The following CNTN1 variants were observed in gnomAD, a reference collection of about 807,000 sequenced individuals.
CNTN1 encodes contactin 1.
A neutral mutation model predicts 126.4 loss-of-function variants in CNTN1; 38 were observed. The ratio of observed to expected loss-of-function variants is 0.30; its 90% CI spans 0.23 to 0.39. The LOEUF is 0.39. Among genes scored for constraint, CNTN1 ranks in the 10% least tolerant of loss-of-function variants. CNTN1 has a pLI of 1.00. For missense variants in CNTN1, 1,009 were observed against 1,248.4 expected, an observed-to-expected ratio of 0.81 and a Z score of 2.89; for synonymous variants, 413 against 422.6, an observed-to-expected ratio of 0.98 and a Z score of 0.28.
intron 1 of CNTN1, among the ~76,000 whole-genome samples, chr12:40,813,175 T>C (rs1941147169): frequency 6.6e-6 from 1 of 150,954 alleles, no homozygotes; most frequent in Non-Finnish European, 1.5e-5. Context: ...TTTTCATTTT[T>C]TGCTGTCTCC....
Position 41,016,869 on chromosome 12 carries a change from G to A in CNTN1, c.2372G>A (p.Gly791Glu). 2 of 1,614,132 alleles carry A rather than the reference G, an allele frequency of 1.2e-6. No individual in the cohort carries two copies. The highest frequency in any genetic ancestry group is 1.7e-6 in the Non-Finnish European group (2 of 1,180,022). Residue 791 changes from glycine (G) to glutamate (E), a missense_variant, in exon 19 of 24, where the codon GGA becomes GAA. Gly to Glu is a moderately conservative substitution (Grantham distance 98, BLOSUM62 -2). Coordinates refer to ENST00000551295, the MANE Select transcript of CNTN1 (RefSeq NM_001843.4). ...AAAGTCAAGGCCTTCAACAACAAAGGAGATGGACCTTACAGCCTAGTAGCA... is the reference window on the plus strand; with the variant it reads ...AAAGTCAAGGCCTTCAACAACAAAGAAGATGGACCTTACAGCCTAGTAGCA... ...QVKVKAFNNKGDGPYSLVAVI... is the reference protein window; with the variant it reads ...QVKVKAFNNKEDGPYSLVAVI...
intron 1 of CNTN1, among the ~76,000 whole-genome samples, chr12:40,728,426 G>A (rs1298234770): frequency 6.6e-6 from 1 of 152,098 alleles, no homozygotes; most frequent in East Asian, 1.9e-4. Context: ...CCTAAAAAAA[G>A]GCAACTAGTA....
intron 13 of CNTN1, 29 bp downstream of exon 13, chr12:40,943,753 T>G: frequency 1.2e-6 from 2 of 1,610,132 alleles, no homozygotes; most frequent in Non-Finnish European, 1.7e-6. Flanking sequence ...GTGCTTAATT[T>G]CTAATGTATT....
intron 1 of CNTN1, among the ~76,000 whole-genome samples, chr12:40,812,610 A>G (rs1941107274): frequency 6.6e-6 from 1 of 152,118 alleles, no homozygotes; most frequent in Non-Finnish European, 1.5e-5. Context: ...TATATTTACA[A>G]TGGTTATATC....
intron 1 of CNTN1, among the ~76,000 whole-genome samples, chr12:40,843,320 C>T (rs551008638): frequency 3.9e-5 from 6 of 152,178 alleles, no homozygotes; most frequent in African/African-American, 1.4e-4. Flanking sequence ...AGGTTGAAAA[C>T]TTGAACAGAT....
intron 1 of CNTN1, among the ~76,000 whole-genome samples, chr12:40,790,312 TG>T (rs1940171578): frequency 6.6e-6 from 1 of 152,048 alleles, no homozygotes; most frequent in Non-Finnish European, 1.5e-5. Context: ...CTTCCAGCGG[TG>T]GGCAGTGTTA....
intron 23 of CNTN1, among the ~76,000 whole-genome samples, chr12:41,053,054 A>G (rs1032117740): frequency 3.3e-5 from 5 of 151,706 alleles, no homozygotes; most frequent in Non-Finnish European, 5.9e-5. Context: ...TCCTAAGACT[A>G]CATAGATATT....
At chr12:40,820,716 A>C (rs570781913) in intron 1 of CNTN1, among the ~76,000 whole-genome samples, 1 of 152,292 alleles carries the variant, frequency 6.6e-6, no homozygotes, top group African/African-American at 2.4e-5. Flanking sequence ...GAAAGTTACC[A>C]GTGTCCCTTG....
chr12:40,749,901 C>T (rs1261320498), intron 1 of CNTN1, among the ~76,000 whole-genome samples: 3 of 151,842 alleles, frequency 2.0e-5, no homozygotes, highest in South Asian at 2.1e-4. Flanking sequence ...CACTATTTTA[C>T]GTATGTGGTT....
chr12:40,818,175 T>C (rs1171729812), intron 1 of CNTN1, among the ~76,000 whole-genome samples: 1 of 152,170 alleles, frequency 6.6e-6, no homozygotes, highest in Non-Finnish European at 1.5e-5. Flanking sequence ...GTCATCTTAA[T>C]GGCATTCTCT....
intron 23 of CNTN1, among the ~76,000 whole-genome samples, chr12:41,040,095 C>A (rs1172030393): frequency 6.6e-6 from 1 of 152,084 alleles, no homozygotes; most frequent in East Asian, 1.9e-4. Flanking sequence ...CACACAGACC[C>A]TATAATGTCC....
At chr12:40,845,590 A>AC (rs113483157) in intron 1 of CNTN1, among the ~76,000 whole-genome samples, 35,843 of 151,990 alleles carry the variant, frequency 0.24, 4,801 homozygotes, top group South Asian at 0.36. Flanking sequence ...TAGCCTCAAG[A>AC]TGGGGCTAGT....
At position 40,981,052 on chromosome 12, in the gene CNTN1, A is replaced by G. The variant is rs1947806765; in HGVS notation, c.1948A>G (p.Lys650Glu). ...QTKTILSDDW[K>E]DAKTDPPIIE... is the part of the protein sequence containing the mutation. ...CAAGACTATTCTTTCAGATGACTGG[A>G]AAGATGCAAAGACAGGTGAGTTTTA... Residue 650 changes from lysine to glutamate, a missense_variant, in exon 16 of 24, where the codon AAA becomes GAA. Lys to Glu is a moderately conservative substitution (Grantham distance 56, BLOSUM62 1). Transcript: ENST00000551295. The G allele has an allele frequency of 4.3e-6, 7 of 1,612,850 alleles. No individual in the cohort carries two copies. Among genetic ancestry groups the G allele is most frequent in the Non-Finnish European group, 5.9e-6 (7 of 1,179,744 alleles).
chr12:40,904,065 C>A (rs967279036), intron 1 of CNTN1, among the ~76,000 whole-genome samples: 4 of 152,216 alleles, frequency 2.6e-5, no homozygotes, highest in African/African-American at 7.2e-5. Flanking sequence ...GTCGCCTAGG[C>A]TGGAGTGCAG....
chr12:40,873,280 T>C (rs1159249351), intron 1 of CNTN1, among the ~76,000 whole-genome samples: 1 of 152,200 alleles, frequency 6.6e-6, no homozygotes, highest in Non-Finnish European at 1.5e-5. Context: ...TATATATTCC[T>C]GAAAATTTTA....
At chr12:40,958,975 A>T (rs1947002313) in intron 14 of CNTN1, 139 bp from the exon 15 acceptor site, 1 of 927,688 alleles carries the variant, frequency 1.1e-6, no homozygotes, top group Non-Finnish European at 1.7e-6. Context: ...TAGAGCAAGG[A>T]CATAGAGTTA....
At chr12:40,949,205 T>G (rs1012665447) in intron 14 of CNTN1, among the ~76,000 whole-genome samples, 6 of 88,296 alleles carry the variant, frequency 6.8e-5, no homozygotes, top group South Asian at 3.1e-4. Flanking sequence ...TTTGTTTTTT[T>G]TTTTGTTTTT....
chr12:40,972,155 A>C lies in CNTN1; in HGVS notation c.1805-8754A>C, dbSNP rs1947535177. The C allele has an allele frequency of 5.1e-6, 5 of 985,394 alleles. No homozygotes were observed. In the South Asian group the frequency reaches 2.3e-4, roughly 46 times the overall value. 61.0% of individuals were successfully genotyped at this position (985,394 alleles called of 1,614,324 possible). ...TGGGGGAAACCCTCATCTGAGTAGC[A>C]AGATTTTAGTAAAGATGACTAAGCC... On this transcript the variant is annotated intron_variant, in intron 15 of 23. Coordinates refer to ENST00000551295, the MANE Select transcript of CNTN1 (RefSeq NM_001843.4).
rs1334889908 is a variant in CNTN1 at position 40,981,073 on chromosome 12, TTTTA to T, written c.1963+10_1963+13del. The T allele has an allele frequency of 3.7e-6, 6 of 1,611,698 alleles. No individual in the cohort carries two copies. The Admixed American group carries it at 6.7e-5, about 18-fold the overall frequency. On this transcript the variant is annotated splice_region_variant and intron_variant, in intron 16 of 23. Transcript: ENST00000551295. ...CTGGAAAGATGCAAAGACAGGTGAG[TTTTA>T]TTTGTCTGATTAATCCGTGCATGTT...
Sources: allele counts gnomAD v4.1 joint callset (sites outside exome capture counted in the v4.1 genomes callset), GRCh38; gene constraint gnomAD v4.1.1; transcripts MANE v1.5; gene names NCBI Gene and HGNC (gene_info 2026-07-23, HGNC 2026-07-21).